Variants in ZNF365 observed in about 807,000 individuals in gnomAD.
The protein encoded by ZNF365 is zinc finger protein 365.
Under a neutral mutation model 35.0 loss-of-function variants are expected in ZNF365, and 22 were observed. The observed-to-expected ratio is 0.63, with a 90% CI of 0.45 to 0.90. ZNF365 has a LOEUF of 0.90. ZNF365 is among the 40% of genes least tolerant of loss of function. ZNF365 has a pLI of 0.00. For synonymous variants in ZNF365, 188 were observed against 196.2 expected (o/e 0.96, Z 0.35); for missense variants, 448 against 500.3 (o/e 0.90, Z 1.00).
At chr10:62,460,134 A>C (rs566709293) in intron 4 of ZNF365, among the ~76,000 whole-genome samples, 71 of 152,240 alleles carry the variant, frequency 4.7e-4, no homozygotes, top group Admixed American at 2.3e-3. Context: ...CTGGGAGGTA[A>C]GTGGTGATGG....
In ZNF365 at chr10:62,387,259, G is replaced by T. The variant is rs1411586324; in HGVS notation, c.744-1137G>T. On this transcript the variant is annotated intron_variant, in intron 2 of 4. Coordinates refer to ENST00000395254, the MANE Select transcript of ZNF365 (RefSeq NM_014951.3). ...AGGGTTGGAGAGAGGGGAATTGAGA[G>T]TTGAGAGCAAGGTAGGAAAAGAAGG... is the stretch of plus-strand genomic sequence containing the variant. 2.6e-5 allele frequency among the ~76,000 whole-genome samples: 4 copies of T among 152,118 alleles called. No homozygotes were observed. In the East Asian group the frequency reaches 7.7e-4, roughly 29 times the overall value.
At chr10:62,395,212 C>G (rs1027884487) in intron 3 of ZNF365, among the ~76,000 whole-genome samples, 6 of 152,028 alleles carry the variant, frequency 3.9e-5, no homozygotes, top group Non-Finnish European at 8.8e-5. Context: ...CCACAGATAC[C>G]CTGGGCAGAT....
chr10:62,404,732 G>A, downstream of ZNF365, among the ~76,000 whole-genome samples: 1 of 152,104 alleles, frequency 6.6e-6, no homozygotes, highest in East Asian at 1.9e-4. Context: ...GAATTGGGCT[G>A]GGTTCTTCCA....
chr10:62,397,134 G>A (rs541660929), intron 3 of ZNF365, among the ~76,000 whole-genome samples: 5 of 152,272 alleles, frequency 3.3e-5, no homozygotes, highest in African/African-American at 9.6e-5. Flanking sequence ...ATGTGATAAC[G>A]GTGCCTTTTT....
chr10:62,464,231 T>C (rs926604116), intron 4 of ZNF365, among the ~76,000 whole-genome samples: 27 of 152,250 alleles, frequency 1.8e-4, no homozygotes, highest in African/African-American at 6.5e-4. Flanking sequence ...TTCTTATTCA[T>C]GCTTACTAGC....
intron 3 of ZNF365, among the ~76,000 whole-genome samples, chr10:62,421,669 A>G (rs1393072761): frequency 6.6e-6 from 1 of 152,182 alleles, no homozygotes; most frequent in African/African-American, 2.4e-5. Context: ...AGTCCTTGGG[A>G]TTTCTTTCTC....
chr10:62,447,093 C>T (rs1840602219), intron 3 of ZNF365, among the ~76,000 whole-genome samples: 1 of 152,036 alleles, frequency 6.6e-6, no homozygotes, highest in Non-Finnish European at 1.5e-5. Context: ...TATTAAAATT[C>T]CTGATAAAAG....
At chr10:62,388,315 G>A (rs771102097) in intron 2 of ZNF365, 81 bp from the exon 3 acceptor site, 9 of 1,500,148 alleles carry the variant, frequency 6.0e-6, no homozygotes, top group Non-Finnish European at 8.2e-6. Flanking sequence ...ACAAATAGTA[G>A]GCACTCAATA....
chr10:62,392,735 A>T (rs889005718), intron 3 of ZNF365, among the ~76,000 whole-genome samples: 2 of 151,938 alleles, frequency 1.3e-5, no homozygotes, highest in Non-Finnish European at 2.9e-5. Context: ...GGTTCAAGTG[A>T]TTCTCCTGCC....
At chr10:62,464,850 G>C (rs764673357) in intron 4 of ZNF365, among the ~76,000 whole-genome samples, 17 of 152,212 alleles carry the variant, frequency 1.1e-4, no homozygotes, top group Non-Finnish European at 2.4e-4. Flanking sequence ...GGTGATGGTG[G>C]CGGTGGCCCA....
In ZNF365 at chr10:62,376,176, C is replaced by G. The variant is rs1167350371; in HGVS notation, c.-13-5C>G. The G allele has an allele frequency of 6.2e-7, 1 of 1,613,010 alleles. No individual in the cohort carries two copies. The highest frequency in any genetic ancestry group is 1.7e-5 in the Admixed American group (1 of 59,944). ...CTTGTAAACTACCTATTTCCCCCCT[C>G]CCAGGACTTTTAGAGTAATGCAACA... On this transcript the variant is annotated splice_polypyrimidine_tract_variant and splice_region_variant and intron_variant, in intron 1 of 4. Transcript: ENST00000395254.
chr10:62,467,643 A>C (rs1446810630), intron 4 of ZNF365, among the ~76,000 whole-genome samples: 1 of 152,220 alleles, frequency 6.6e-6, no homozygotes, highest in Non-Finnish European at 1.5e-5. Flanking sequence ...TTGGACTTAT[A>C]TTCCATTGTG....
chr10:62,418,851 C>A (rs940289033), intron 3 of ZNF365, among the ~76,000 whole-genome samples: 3 of 151,836 alleles, frequency 2.0e-5, no homozygotes, highest in Non-Finnish European at 4.4e-5. Context: ...CCTGCATCTG[C>A]TGAGTCTCAA....
chr10:62,387,794 C>T (rs1839548668), intron 2 of ZNF365, among the ~76,000 whole-genome samples: 1 of 152,144 alleles, frequency 6.6e-6, no homozygotes, highest in African/African-American at 2.4e-5. Context: ...CCTCTTGCTC[C>T]TATACTTTCT....
At chr10:62,410,639 A>C (rs1202178164) in intron 3 of ZNF365, among the ~76,000 whole-genome samples, 2 of 152,104 alleles carry the variant, frequency 1.3e-5, no homozygotes, top group African/African-American at 4.8e-5. Flanking sequence ...TTCCTGCATT[A>C]GTTTGATGAG....
chr10:62,413,033 G>A (rs1840010459), intron 3 of ZNF365, among the ~76,000 whole-genome samples: 1 of 151,990 alleles, frequency 6.6e-6, no homozygotes, highest in African/African-American at 2.4e-5. Context: ...CTCCTCAAGT[G>A]GTAACAAAAA....
chr10:62,417,838 A>G lies in ZNF365; in HGVS notation c.924+29262A>G, dbSNP rs114059871. Among the ~76,000 whole-genome samples, 919 of 152,068 alleles carry G rather than the reference A, an allele frequency of 6.0e-3. 7 individuals carry two copies. The highest frequency in any genetic ancestry group is 0.021 in the African/African-American group (873 of 41,530). Reference sequence around the variant, plus strand: ...AAATTTGCTTTTCTTAAAAAGACTGACTTTTTGTGTGAAAGGGAAAGGGAT... The same window carrying G: ...AAATTTGCTTTTCTTAAAAAGACTGGCTTTTTGTGTGAAAGGGAAAGGGAT... On this transcript the variant is annotated intron_variant, in intron 3 of 4. Coordinates refer to the ZNF365 transcript ENST00000395255.
rs547896848 is a variant in ZNF365, at chr10:62,389,926, G to A, written c.924+1350G>A. On this transcript the variant is annotated intron_variant, in intron 3 of 4. Coordinates refer to ENST00000395254, the MANE Select transcript of ZNF365 (RefSeq NM_014951.3). ...TTCTACGTAAAATGCTTCTGAGGGG[G>A]AAGTCACACCACACTTTGATCCCTC... Among the ~76,000 whole-genome samples, 41 of 152,180 alleles carry A rather than the reference G, an allele frequency of 2.7e-4. No homozygotes were observed. The South Asian group carries it at 8.3e-3, about 31-fold the overall frequency.
At chr10:62,436,210 C>T (rs61373911) in intron 3 of ZNF365, among the ~76,000 whole-genome samples, 5,529 of 152,010 alleles carry the variant, frequency 0.036, 163 homozygotes, top group East Asian at 0.088. Context: ...GCAATCCCAC[C>T]AGGCAAGCAA....
Sources: gnomAD v4.1 joint callset for allele counts (sites outside exome capture counted in the v4.1 genomes callset) on GRCh38, gnomAD v4.1.1 for gene constraint, MANE v1.5 for transcripts, NCBI Gene and HGNC (gene_info 2026-07-23, HGNC 2026-07-21) for gene names.